MOK: variants seen among roughly 807,000 people sequenced by gnomAD.
MOK encodes the protein MAPK/MAK/MRK overlapping kinase.
A neutral mutation model predicts 54.2 loss-of-function variants in MOK; 59 were observed. The ratio of observed to expected loss-of-function variants is 1.09; its 90% CI spans 0.88 to 1.35. The LOEUF is 1.35. Among genes scored for constraint, MOK ranks in the 40% most tolerant of loss-of-function variants. The probability of loss-of-function intolerance (pLI) is 0.00; values close to 1 mark genes in which losing one functional copy is unlikely to be tolerated. For synonymous variants in MOK, 210 were observed against 202.7 expected, an observed-to-expected ratio of 1.04 and a Z score of -0.31; for missense variants, 517 against 526.2, an observed-to-expected ratio of 0.98 and a Z score of 0.17.
In MOK at chr14:102,305,121, G is replaced by A. The variant is rs2072646965; in HGVS notation, c.-153C>T. On this transcript the variant is annotated 5_prime_UTR_variant, in exon 1 of 12. Transcript: ENST00000361847. ...CTCGAAGGAGAGCGTTAGAGATCCC[G>A]CCGCCATGTTGTGTCCCTGTCACCC... is the stretch of plus-strand genomic sequence containing the variant. 4.4e-6 allele frequency: 4 copies of A among 906,812 alleles called. No individual in the cohort carries two copies. Among genetic ancestry groups the A allele is most frequent in the Admixed American group, 2.1e-5 (1 of 47,796 alleles). 56.2% of individuals were successfully genotyped at this position (906,812 alleles called of 1,614,324 possible).
chr14:102,284,944 G>A (rs1477617323), intron 1 of MOK, among the ~76,000 whole-genome samples: 6 of 152,072 alleles, frequency 3.9e-5, no homozygotes, highest in Non-Finnish European at 8.8e-5. Context: ...TTAGCCAGGC[G>A]TGGTGGCATG....
At chr14:102,290,533 A>G (rs1293325976) in intron 1 of MOK, among the ~76,000 whole-genome samples, 1 of 152,198 alleles carries the variant, frequency 6.6e-6, no homozygotes, top group Non-Finnish European at 1.5e-5. Flanking sequence ...CAATTTGTGT[A>G]TAAGTAAATC....
At chr14:102,214,754 A>G in the MOK span, 1 of 979,248 alleles carries the variant, frequency 1.0e-6, no homozygotes, top group Non-Finnish European at 1.2e-6. Flanking sequence ...AATTTCATAA[A>G]GAGCCTTCCT....
chr14:102,291,593 T>C (rs2070760606), intron 1 of MOK, among the ~76,000 whole-genome samples: 1 of 152,170 alleles, frequency 6.6e-6, no homozygotes, highest in Admixed American at 6.6e-5. Flanking sequence ...GAAATTTCTC[T>C]ACAAGAAGAT....
rs376778596 is a variant in MOK, at chr14:102,233,650, G to A, written c.692+38C>T. ...TGCCCTGCTGCAGGTCCTAGCAGGG[G>A]AGTGGGTCCACATCCACTCTCAGAA... On this transcript the variant is annotated intron_variant, in intron 8 of 11. Transcript: ENST00000361847. The A allele has an allele frequency of 8.0e-5, 124 of 1,558,594 alleles. 1 individual carries two copies. The highest frequency in any genetic ancestry group is 1.0e-4 in the Non-Finnish European group (118 of 1,130,194).
rs1567161207 is a variant in MOK at position 102,245,547 on chromosome 14, G to T, written c.590+5265C>A. Among the ~76,000 whole-genome samples the T allele has an allele frequency of 6.6e-6, 1 of 151,668 alleles. No homozygotes were observed. Among genetic ancestry groups the T allele is most frequent in the Non-Finnish European group, 1.5e-5 (1 of 67,950 alleles). Reference sequence around the variant, plus strand: ...TCCTTTTCTCAGAAGCTCCCCAACTGAGCACCTTGTGACCCCCTCCGCCTG... The same window carrying T: ...TCCTTTTCTCAGAAGCTCCCCAACTTAGCACCTTGTGACCCCCTCCGCCTG... On this transcript the variant is annotated intron_variant, in intron 7 of 11. Transcript: ENST00000361847. This position sits in a 1 kb window ranked among gnomAD's most constrained non-coding sequence, Gnocchi z 4.3.
At chr14:102,254,134 G>C (rs1342537396) in intron 4 of MOK, among the ~76,000 whole-genome samples, 1 of 151,944 alleles carries the variant, frequency 6.6e-6, no homozygotes, top group Non-Finnish European at 1.5e-5. Flanking sequence ...ACAGGCACCC[G>C]CCACCACTAC....
At chr14:102,282,206 T>C (rs2069515583) in intron 2 of MOK, among the ~76,000 whole-genome samples, 1 of 151,948 alleles carries the variant, frequency 6.6e-6, no homozygotes, top group African/African-American at 2.4e-5. Flanking sequence ...CGGGAGTTCA[T>C]GGTCAGCTTG....
intron 1 of MOK, among the ~76,000 whole-genome samples, chr14:102,300,234 G>A (rs2072011976): frequency 6.8e-6 from 1 of 146,940 alleles, no homozygotes; most frequent in Admixed American, 7.1e-5. Flanking sequence ...TGAGGCAGAA[G>A]AATCACTTGA....
At chr14:102,261,402 AAAAAAAAAAAAAAAAAAT>A (rs2067396818) in intron 4 of MOK, among the ~76,000 whole-genome samples, 1 of 78,152 alleles carries the variant, frequency 1.3e-5, no homozygotes, top group South Asian at 4.6e-4. Flanking sequence ...AAAAAAAAAA[AAAAAAAAAAAAAAAAAAT>A]ATATATATAT....
rs1258957796 is a variant in MOK at position 102,232,259 on chromosome 14, A to T, written c.866+276T>A. On this transcript the variant is annotated intron_variant, in intron 9 of 11. Transcript: ENST00000361847. This position sits in a 1 kb window ranked among gnomAD's most constrained non-coding sequence, Gnocchi z 5.1. ...GGGCCGCACACCAGGCTCTTCTAGA[A>T]GGATTACTACCTGTAGCCTTGGCAT... is the stretch of plus-strand genomic sequence containing the variant. 2.4e-6 allele frequency: 1 copy of T among 411,816 alleles called. No individual in the cohort carries two copies. The highest frequency in any genetic ancestry group is 2.0e-5 in the African/African-American group (1 of 49,724). The allele number at this position is 411,816 out of a possible 1,614,324, so 25.5% of individuals were successfully genotyped here.
chr14:102,224,726 A>G (rs2064171114), downstream of MOK: 1 of 455,930 alleles, frequency 2.2e-6, no homozygotes. Context: ...TTGAGTTCTC[A>G]GCCTGCCCCA....
At chr14:102,228,731 A>G (rs1470279495), downstream of MOK, 1 of 151,598 alleles carries the variant, frequency 6.6e-6, no homozygotes, top group Non-Finnish European at 1.5e-5. Context: ...AAGCCACACC[A>G]AAGTCTTCCC....
rs1230529210 is a variant in MOK, at chr14:102,238,411, ACCAC to A, written c.591-4626_591-4623del. 6.6e-6 allele frequency: 1 copy of A among 152,276 alleles called. No individual in the cohort carries two copies. Among genetic ancestry groups the A allele is most frequent in the East Asian group, 1.9e-4 (1 of 5,208 alleles). The allele number at this position is 152,276 out of a possible 1,614,324, so 9.4% of individuals were successfully genotyped here. A position where few individuals can be genotyped will look rare whatever the true frequency, so the allele number is the denominator to read the frequency against. ...TACTGCCAAAGTGACCCTATCACTA[ACCAC>A]CCCCTTATTTACCAACTCCTTCAAG... is the stretch of plus-strand genomic sequence containing the variant. On this transcript the variant is annotated intron_variant, in intron 7 of 11. Coordinates refer to ENST00000361847, the MANE Select transcript of MOK (RefSeq NM_014226.3). This position sits in a 1 kb window ranked among gnomAD's most constrained non-coding sequence, Gnocchi z 4.8.
chr14:102,234,065 G>T, intron 7 of MOK: 1 of 310,864 alleles, frequency 3.2e-6, no homozygotes. Flanking sequence ...CAATCTGTAA[G>T]CTTGGGGCTG....
chr14:102,295,956 C>G (rs991468364), intron 1 of MOK, among the ~76,000 whole-genome samples: 6 of 152,150 alleles, frequency 3.9e-5, no homozygotes, highest in South Asian at 4.2e-4. Flanking sequence ...GTCAACATAG[C>G]AACACCTGGC....
rs892316365 is a variant in MOK at position 102,232,047 on chromosome 14, G to A, written c.867-226C>T. 2.2e-6 allele frequency: 1 copy of A among 451,342 alleles called. No homozygotes were observed. Among genetic ancestry groups the A allele is most frequent in the African/African-American group, 2.0e-5 (1 of 50,368 alleles). 28.0% of individuals were successfully genotyped at this position (451,342 alleles called of 1,614,324 possible). A position where few individuals can be genotyped will look rare whatever the true frequency, so the allele number is the denominator to read the frequency against. Reference sequence around the variant, plus strand: ...ATGAATCAGAAGCGCTGCCTACCCAGGGACTCGCAGTTTCAGATCAAACTG... The same window carrying A: ...ATGAATCAGAAGCGCTGCCTACCCAAGGACTCGCAGTTTCAGATCAAACTG... On this transcript the variant is annotated intron_variant, in intron 9 of 11. Coordinates refer to ENST00000361847, the MANE Select transcript of MOK (RefSeq NM_014226.3). This position sits in a 1 kb window ranked among gnomAD's most constrained non-coding sequence, Gnocchi z 5.1.
Position 102,229,441 on chromosome 14 carries a change from G to A in MOK, c.1182+16C>T. The A allele has an allele frequency of 1.2e-6, 2 of 1,614,194 alleles. No homozygotes were observed. The highest frequency in any genetic ancestry group is 2.2e-5 in the South Asian group (2 of 91,088). ...GTCGAAGAGCAGCGCCGTCAGAGAAGCTGGTTCCGCGCTACCTTCTTGCTC... is the reference window on the plus strand; with the variant it reads ...GTCGAAGAGCAGCGCCGTCAGAGAAACTGGTTCCGCGCTACCTTCTTGCTC... On this transcript the variant is annotated intron_variant, in intron 11 of 11. Transcript: ENST00000361847.
intron 2 of MOK, among the ~76,000 whole-genome samples, chr14:102,275,421 G>T (rs986129299): frequency 7.2e-5 from 11 of 151,862 alleles, no homozygotes; most frequent in African/African-American, 2.7e-4. Flanking sequence ...AAAATTAGCC[G>T]GGCGTGGTGG....
Sources: allele counts gnomAD v4.1 joint callset (sites outside exome capture counted in the v4.1 genomes callset), GRCh38; gene constraint gnomAD v4.1.1; non-coding constraint Gnocchi (gnomAD v3.1); transcripts MANE v1.5; gene names NCBI Gene and HGNC (gene_info 2026-07-23, HGNC 2026-07-21).